Variants in CCDC71 observed in about 807,000 individuals in gnomAD.
CCDC71 encodes the protein coiled-coil domain-containing protein 71.
For missense variants in CCDC71, 594 were observed against 604.0 expected (o/e 0.98, Z 0.17); for synonymous variants, 257 against 242.2 (o/e 1.06, Z -0.57).
Position 49,162,619 on chromosome 3 carries a change from CCTCCCGCCCA to C in CCDC71, c.*176_*185del. ...CAGTGCATCGCGCCATGAAAACACC[CCTCCCGCCCA>C]CCCACCCCACCGTACCCCACCCACT... On this transcript the variant is annotated 3_prime_UTR_variant, in exon 2 of 2. Transcript: ENST00000321895. The C allele has an allele frequency of 7.0e-6, 1 of 143,856 alleles. No individual in the cohort carries two copies. The highest frequency in any genetic ancestry group is 1.5e-5 in the Non-Finnish European group (1 of 65,830). 8.9% of individuals were successfully genotyped at this position (143,856 alleles called of 1,614,324 possible).
chr3:49,164,652 C>T (rs2045712546), intron 1 of CCDC71, among the ~76,000 whole-genome samples: 1 of 152,196 alleles, frequency 6.6e-6, no homozygotes, highest in African/African-American at 2.4e-5. Flanking sequence ...GAAAAAGACA[C>T]TGTTAAGATT....
At position 49,163,379 on chromosome 3, in the gene CCDC71, C is replaced by G; in HGVS notation, c.830G>C (p.Gly277Ala). The change falls in exon 2 of 2, where the codon GGC becomes GCC. Residue 277 changes from glycine to alanine, a missense_variant. By Grantham distance (60) the Gly-to-Ala change is moderately conservative. Transcript: ENST00000321895. ...VRRMKGGSAL[G>A]TKTAQAKVAR... ...TACCTTGGCCTGGGCTGTTTTGGTG[C>G]CCAGGGCAGAGCCCCCTTTCATTCG... 1.2e-6 allele frequency: 2 copies of G among 1,613,988 alleles called. No homozygotes were observed. The highest frequency in any genetic ancestry group is 1.7e-6 in the Non-Finnish European group (2 of 1,180,036).
chr3:49,163,914 G>A lies in CCDC71; in HGVS notation c.295C>T (p.Pro99Ser). The A allele has an allele frequency of 6.2e-7, 1 of 1,614,206 alleles. No individual in the cohort carries two copies. The highest frequency in any genetic ancestry group is 8.5e-7 in the Non-Finnish European group (1 of 1,180,038). Residue 99 changes from proline to serine, a missense_variant, in exon 2 of 2, where the codon CCA (proline) becomes TCA (serine). Coordinates refer to ENST00000321895, the MANE Select transcript of CCDC71 (RefSeq NM_022903.4). ...ATGGCAGTTCGGGGAGCACTGGCTG[G>A]AGGTGATGTGGCAGTTGGGTTAGGG... is the stretch of plus-strand genomic sequence containing the variant. ...RAPNPTATSP[P>S]ASAPRTAMRL...
Position 49,162,820 on chromosome 3 carries a change from T to C in CCDC71, c.1389A>G (p.Pro463=), listed in dbSNP as rs975162200. Residue 463 remains proline (P), a synonymous_variant, in exon 2 of 2, where the codon CCA becomes CCG. Coordinates refer to ENST00000321895, the MANE Select transcript of CCDC71 (RefSeq NM_022903.4). ...SPVIRLQPLL[P]YSAV is the part of the protein sequence containing the mutation. ...TGTGAAGGAATCAGACTGCTGAATATGGCAGCAATGGCTGGAGCCGTATTA... is the reference window on the plus strand; with the variant it reads ...TGTGAAGGAATCAGACTGCTGAATACGGCAGCAATGGCTGGAGCCGTATTA... The C allele has an allele frequency of 3.1e-6, 5 of 1,613,044 alleles. No individual in the cohort carries two copies. Among genetic ancestry groups the C allele is most frequent in the South Asian group, 1.1e-5 (1 of 91,032 alleles).
intron 1 of CCDC71, among the ~76,000 whole-genome samples, chr3:49,165,657 A>G (rs955673207): frequency 1.4e-4 from 21 of 152,262 alleles, no homozygotes; most frequent in African/African-American, 4.8e-4. Context: ...CCGTTCTCCA[A>G]GCACAATCCT....
chr3:49,163,087 A>G lies in CCDC71; in HGVS notation c.1122T>C (p.Thr374=), dbSNP rs758796287. ...GGCGGTTTTTCTGGCCCTTCCTTGT[A>G]GTTCTGGCCTTAGCAGATCCCTTTG... ...GRPKGSAKAR[T]TRKGQKNRPE... The change falls in exon 2 of 2, where the codon ACT becomes ACC. Residue 374 remains threonine, a synonymous_variant. Transcript: ENST00000321895. The G allele has an allele frequency of 2.6e-5, 42 of 1,614,074 alleles. No individual in the cohort carries two copies. Among genetic ancestry groups the G allele is most frequent in the African/African-American group, 6.7e-5 (5 of 74,934 alleles).
At chr3:49,164,386 C>A (rs1274041713) in intron 1 of CCDC71, 126 bp from the exon 2 acceptor site, 2 of 637,942 alleles carry the variant, frequency 3.1e-6, no homozygotes, top group East Asian at 5.5e-5. Context: ...GAGACACTTC[C>A]TGGTGTAAAA....
intron 1 of CCDC71, among the ~76,000 whole-genome samples, chr3:49,164,987 G>A (rs1329717052): frequency 6.6e-6 from 1 of 152,142 alleles, no homozygotes; most frequent in Non-Finnish European, 1.5e-5. Flanking sequence ...TGGAGCTGGA[G>A]TGGGGTGGGG....
chr3:49,163,085 G>C lies in CCDC71; in HGVS notation c.1124C>G (p.Thr375Arg), dbSNP rs373873183. The C allele has an allele frequency of 2.3e-5, 37 of 1,614,128 alleles. No homozygotes were observed. Among genetic ancestry groups the C allele is most frequent in the Non-Finnish European group, 3.1e-5 (37 of 1,180,054 alleles). ...AGGGCGGTTTTTCTGGCCCTTCCTT[G>C]TAGTTCTGGCCTTAGCAGATCCCTT... ...RPKGSAKART[T>R]RKGQKNRPET... Residue 375 changes from threonine (T) to arginine (R), a missense_variant, in exon 2 of 2, where the codon ACA becomes AGA. Transcript: ENST00000321895.
Position 49,164,137 on chromosome 3 carries a change from C to T in CCDC71, c.72G>A (p.Lys24=). The change falls in exon 2 of 2, where the codon AAG becomes AAA. Residue 24 remains lysine (K), a synonymous_variant. Transcript: ENST00000321895. ...HSWSRISTAG[K]KALEEALLVF... ...CAAGCAGTGCCTCTTCCAGGGCCTT[C>T]TTCCCTGCCGTGGAGATGCGCGACC... 1 of 1,613,768 alleles carries T rather than the reference C, an allele frequency of 6.2e-7. No homozygotes were observed. Among genetic ancestry groups the T allele is most frequent in the Non-Finnish European group, 8.5e-7 (1 of 1,180,020 alleles).
intron 1 of CCDC71, among the ~76,000 whole-genome samples, chr3:49,164,626 CTAGGT>C (rs1414200536): frequency 6.6e-6 from 1 of 152,148 alleles, no homozygotes; most frequent in Non-Finnish European, 1.5e-5. Context: ...CTCAAGGAAC[CTAGGT>C]TAGAAGGCCA....
In CCDC71 at chr3:49,162,615, CACCCCTCCCGCCCACCCACCCCACCGT is replaced by C; in HGVS notation, c.*163_*189del. The stretch of plus-strand genomic sequence containing the variant: ...GTCACAGTGCATCGCGCCATGAAAA[CACCCCTCCCGCCCACCCACCCCACCGT>C]ACCCCACCCACTCTGGTTTCTGAAA... On this transcript the variant is annotated 3_prime_UTR_variant, in exon 2 of 2. Transcript: ENST00000321895. 6.9e-6 allele frequency: 1 copy of C among 144,144 alleles called. No individual in the cohort carries two copies. Among genetic ancestry groups the C allele is most frequent in the South Asian group, 2.4e-4 (1 of 4,254 alleles). 8.9% of individuals were successfully genotyped at this position (144,144 alleles called of 1,614,324 possible). A position where few individuals can be genotyped will look rare whatever the true frequency, so the allele number is the denominator to read the frequency against.
Position 49,163,169 on chromosome 3 carries a change from T to C in CCDC71, c.1040A>G (p.Lys347Arg), listed in dbSNP as rs1054494143. The C allele has an allele frequency of 6.3e-7, 1 of 1,579,492 alleles. No individual in the cohort carries two copies. The highest frequency in any genetic ancestry group is 1.7e-4 in the Middle Eastern group (1 of 5,954). ...AAWAKAKAKA[K>R]AVRAKAKVAR... Reference sequence around the variant, plus strand: ...CACCTTGGCCTTGGCCCGTACTGCCTTGGCTTTAGCCTTGGCCTTGGCCCA... The same window carrying C: ...CACCTTGGCCTTGGCCCGTACTGCCCTGGCTTTAGCCTTGGCCTTGGCCCA... Residue 347 changes from lysine (K) to arginine (R), a missense_variant, in exon 2 of 2, where the codon AAG becomes AGG. Coordinates refer to ENST00000321895, the MANE Select transcript of CCDC71 (RefSeq NM_022903.4).
chr3:49,165,167 A>C (rs1466550685), intron 1 of CCDC71, among the ~76,000 whole-genome samples: 1 of 152,240 alleles, frequency 6.6e-6, no homozygotes, highest in Non-Finnish European at 1.5e-5. Context: ...CTAGGCAACC[A>C]GGCAGACCAG....
chr3:49,163,534 G>GCAAA lies in CCDC71; in HGVS notation c.674_675insTTTG (p.Lys226LeufsTer84), dbSNP rs2045705474. ...TGCTTGTGGTTTTTCTGGGAGCTTT[G>GCAAA]GGCCGAGGGTTCCCCGGACCCTTCC... is the stretch of plus-strand genomic sequence containing the variant. On this transcript the variant is annotated frameshift_variant, in exon 2 of 2. Transcript: ENST00000321895. LOFTEE classifies it low-confidence loss of function (END_TRUNC). The GCAAA allele has an allele frequency of 6.2e-7, 1 of 1,614,072 alleles. No homozygotes were observed. The highest frequency in any genetic ancestry group is 8.5e-7 in the Non-Finnish European group (1 of 1,180,020).
chr3:49,164,084 C>T lies in CCDC71; in HGVS notation c.125G>A (p.Ser42Asn), dbSNP rs963186438. The T allele has an allele frequency of 1.9e-6, 3 of 1,614,084 alleles. No homozygotes were observed. Among genetic ancestry groups the T allele is most frequent in the Admixed American group, 3.3e-5 (2 of 60,012 alleles). The change falls in exon 2 of 2, where the codon AGT (serine) becomes AAT (asparagine). Residue 42 changes from serine (S) to asparagine (N), a missense_variant. Coordinates refer to ENST00000321895, the MANE Select transcript of CCDC71 (RefSeq NM_022903.4). ...GGCCACAAGCTGGGCCTCTGTGGCACTGAGATCCTGGCTCATTGGGTTAAA... is the reference window on the plus strand; with the variant it reads ...GGCCACAAGCTGGGCCTCTGTGGCATTGAGATCCTGGCTCATTGGGTTAAA... The part of the protein sequence containing the change: ...LVFNPMSQDL[S>N]ATEAQLVAFL...
In CCDC71 at chr3:49,163,822, G is replaced by A. The variant is rs1230837126; in HGVS notation, c.387C>T (p.Ser129=). Residue 129 remains serine, a synonymous_variant, in exon 2 of 2, where the codon TCC becomes TCT. Transcript: ENST00000321895. The part of the protein sequence containing the change: ...MPLSGRLAKA[S]TPALAKHATT... ...TAGCATGCTTGGCAAGGGCTGGTGT[G>A]GATGCTTTGGCCAGTCTGCCAGATA... 3 of 1,614,178 alleles carry A rather than the reference G, an allele frequency of 1.9e-6. No homozygotes were observed. Among genetic ancestry groups the A allele is most frequent in the Non-Finnish European group, 2.5e-6 (3 of 1,180,038 alleles).
In CCDC71 at chr3:49,163,135, G is replaced by A. The variant is rs151008560; in HGVS notation, c.1074C>T (p.Thr358=). 10 of 1,614,204 alleles carry A rather than the reference G, an allele frequency of 6.2e-6. No individual in the cohort carries two copies. The highest frequency in any genetic ancestry group is 4.2e-6 in the Non-Finnish European group (5 of 1,180,040). ...TTGGCCTGCCTCTGCCCCTGGGCTG[G>A]GTCCGAGCCACCTTGGCCTTGGCCC... The part of the protein sequence containing the change: ...AVRAKAKVAR[T]QPRGRGRPKG... The change falls in exon 2 of 2, where the codon ACC becomes ACT. Residue 358 remains threonine, a synonymous_variant. Transcript: ENST00000321895.
In CCDC71 at chr3:49,162,826, C is replaced by T. The variant is rs202041046; in HGVS notation, c.1383G>A (p.Leu461=). ...NLSPVIRLQP[L]LPYSAV ...GGAATCAGACTGCTGAATATGGCAG[C>T]AATGGCTGGAGCCGTATTACAGGTG... is the stretch of plus-strand genomic sequence containing the variant. The change falls in exon 2 of 2, where the codon TTG becomes TTA. Residue 461 remains leucine (L), a synonymous_variant. Coordinates refer to ENST00000321895, the MANE Select transcript of CCDC71 (RefSeq NM_022903.4). 2 of 1,612,456 alleles carry T rather than the reference C, an allele frequency of 1.2e-6. No individual in the cohort carries two copies. The highest frequency in any genetic ancestry group is 1.7e-6 in the Non-Finnish European group (2 of 1,179,632).
Sources: gnomAD v4.1 joint callset for allele counts (sites outside exome capture counted in the v4.1 genomes callset) on GRCh38, gnomAD v4.1.1 for gene constraint, MANE v1.5 for transcripts, NCBI Gene and HGNC (gene_info 2026-07-23, HGNC 2026-07-21) for gene names.